The following HERC1 variants were observed in gnomAD, a reference collection of about 807,000 sequenced individuals.
The protein encoded by HERC1 is HECT and RLD domain containing E3 ubiquitin protein ligase family member 1.
Under a neutral mutation model 554.3 loss-of-function variants are expected in HERC1, and 160 were observed. The observed-to-expected ratio is 0.29, with a 90% CI of 0.25 to 0.33. The LOEUF (loss-of-function observed/expected upper bound fraction) is 0.33, where lower values mean the gene tolerates loss of function less well. Ranked by LOEUF, HERC1 falls within the 10% of genes least tolerant of loss-of-function variation. The pLI is 1.00. For missense variants in HERC1, 4,919 were observed against 5,918.5 expected (o/e 0.83, Z 5.54); for synonymous variants, 2,175 against 2,131.7 (o/e 1.02, Z -0.56).
chr15:63,703,544 G>C (rs185040476), intron 25 of HERC1, among the ~76,000 whole-genome samples: 23 of 152,048 alleles, frequency 1.5e-4, no homozygotes, highest in Admixed American at 9.8e-4. Context: ...CTGTATGAGG[G>C]AAAACATTTT....
At position 63,749,618 on chromosome 15, in the gene HERC1, AC is replaced by A. The variant is rs764016153; in HGVS notation, c.2047+28del. The A allele has an allele frequency of 2.6e-5, 41 of 1,592,426 alleles. No homozygotes were observed. Among genetic ancestry groups the A allele is most frequent in the Non-Finnish European group, 5.1e-6 (6 of 1,168,804 alleles). On this transcript the variant is annotated intron_variant, in intron 9 of 77. Transcript: ENST00000443617. This position sits in a 1 kb window ranked among gnomAD's most constrained non-coding sequence, Gnocchi z 4.1. ...ATATTTACACAAGACAACAGTTAAT[AC>A]TATTTCCTTAAAAACAAATGACTTT...
chr15:63,673,350 C>T (rs1023948081), intron 38 of HERC1, among the ~76,000 whole-genome samples: 1 of 152,080 alleles, frequency 6.6e-6, no homozygotes, highest in African/African-American at 2.4e-5. Flanking sequence ...AACATTCCTA[C>T]TTATATACAC....
chr15:63,796,036 T>A (rs1213520837), intron 1 of HERC1, among the ~76,000 whole-genome samples: 1 of 152,230 alleles, frequency 6.6e-6, no homozygotes, highest in Non-Finnish European at 1.5e-5. Flanking sequence ...GAACATAAAG[T>A]ACATTGATTT....
chr15:63,722,720 T>C (rs947811343), intron 19 of HERC1, among the ~76,000 whole-genome samples: 6 of 152,178 alleles, frequency 3.9e-5, no homozygotes, highest in African/African-American at 1.4e-4. Flanking sequence ...AGTTAGCATA[T>C]TATTGTAATT....
At chr15:63,654,456 A>G in intron 50 of HERC1, 132 bp from the exon 51 acceptor site, 1 of 636,590 alleles carries the variant, frequency 1.6e-6, no homozygotes, top group Non-Finnish European at 2.7e-6. Context: ...CATATCTTTT[A>G]AGAATTGGCA....
At chr15:63,635,142 G>C (rs561181281) in intron 65 of HERC1, among the ~76,000 whole-genome samples, 1 of 151,892 alleles carries the variant, frequency 6.6e-6, no homozygotes, top group Non-Finnish European at 1.5e-5. Context: ...CAAACTCCTG[G>C]GCTCAAGCAA....
Position 63,649,862 on chromosome 15 carries a change from C to T in HERC1, c.10610G>A (p.Gly3537Asp), listed in dbSNP as rs770990614. 2 of 1,612,940 alleles carry T rather than the reference C, an allele frequency of 1.2e-6. No individual in the cohort carries two copies. Among genetic ancestry groups the T allele is most frequent in the Non-Finnish European group, 1.7e-6 (2 of 1,179,478 alleles). ...CTCTCCTGACCAGGCTGTAGCCGGA[C>T]CCTCTTCTGGCCAAGCCAGGGCAGA... Reference protein sequence around the residue: ...WVSALAWPEEGPATAWSGESP... With the variant: ...WVSALAWPEEDPATAWSGESP... The change falls in exon 54 of 78, where the codon GGT (glycine) becomes GAT (aspartate). Residue 3537 changes from glycine to aspartate, a missense_variant. By Grantham distance (94) the Gly-to-Asp change is moderately conservative. Coordinates refer to ENST00000443617, the MANE Select transcript of HERC1 (RefSeq NM_003922.4).
intron 12 of HERC1, among the ~76,000 whole-genome samples, chr15:63,740,586 T>C (rs1375006040): frequency 6.6e-6 from 1 of 152,258 alleles, no homozygotes; most frequent in East Asian, 1.9e-4. Flanking sequence ...CAATGTTTGC[T>C]ATTAGCCAGC....
intron 1 of HERC1, among the ~76,000 whole-genome samples, chr15:63,800,440 C>T (rs1216115131): frequency 6.6e-6 from 1 of 152,182 alleles, no homozygotes; most frequent in Non-Finnish European, 1.5e-5. Flanking sequence ...TTAGAGCCTG[C>T]CTTCTCCATT....
chr15:63,727,661 T>A lies in HERC1; in HGVS notation c.3332A>T (p.Gln1111Leu). The change falls in exon 17 of 78, where the codon CAG becomes CTG. Residue 1111 changes from glutamine to leucine, a missense_variant. Physicochemically the swap from Gln to Leu is moderately radical, Grantham distance 113. Coordinates refer to ENST00000443617, the MANE Select transcript of HERC1 (RefSeq NM_003922.4). The surrounding 1 kb of genome is among the most constrained non-coding windows in gnomAD (Gnocchi z 4.3). ...AADLLEDQEL[Q>L]WPLHGGPELI... The stretch of plus-strand genomic sequence containing the variant: ...TCTTTACTTACCATGAAGAGGCCAC[T>A]GTAACTCCTGGTCTTCTAAAAGATC... 3 of 1,611,614 alleles carry A rather than the reference T, an allele frequency of 1.9e-6. No individual in the cohort carries two copies. Among genetic ancestry groups the A allele is most frequent in the Non-Finnish European group, 2.5e-6 (3 of 1,178,748 alleles).
At chr15:63,786,215 T>C (rs1230718237) in intron 1 of HERC1, among the ~76,000 whole-genome samples, 3 of 150,770 alleles carry the variant, frequency 2.0e-5, no homozygotes, top group Admixed American at 6.6e-5. Context: ...TATGCTATGA[T>C]TGTGCCTGAG....
rs2073236499 is a variant in HERC1 at position 63,710,445 on chromosome 15, CAGTT to C, written c.4584+2326_4584+2329del. Among the ~76,000 whole-genome samples the C allele has an allele frequency of 2.6e-5, 4 of 152,248 alleles. No homozygotes were observed. In the South Asian group the frequency reaches 8.3e-4, roughly 32 times the overall value. On this transcript the variant is annotated intron_variant, in intron 24 of 77. Coordinates refer to ENST00000443617, the MANE Select transcript of HERC1 (RefSeq NM_003922.4). Reference sequence around the variant, plus strand: ...GGAAATTTTGCCAAAATAGATTAGACAGTTATTTATAAATTTAAAAATAATTTCC... The same window carrying C: ...GGAAATTTTGCCAAAATAGATTAGACATTTATAAATTTAAAAATAATTTCC...
At chr15:63,794,137 T>C (rs1264952217) in intron 1 of HERC1, among the ~76,000 whole-genome samples, 1 of 152,190 alleles carries the variant, frequency 6.6e-6, no homozygotes, top group African/African-American at 2.4e-5. Flanking sequence ...AATCCACCCC[T>C]TGTTTAGCAT....
rs1412240378 is a variant in HERC1, at chr15:63,749,120, A to C, written c.2219+247T>G. Among the ~76,000 whole-genome samples the C allele has an allele frequency of 6.6e-6, 1 of 152,182 alleles. No individual in the cohort carries two copies. Among genetic ancestry groups the C allele is most frequent in the African/African-American group, 2.4e-5 (1 of 41,456 alleles). On this transcript the variant is annotated intron_variant, in intron 10 of 77. Coordinates refer to ENST00000443617, the MANE Select transcript of HERC1 (RefSeq NM_003922.4). The surrounding 1 kb of genome is among the most constrained non-coding windows in gnomAD (Gnocchi z 4.1). ...GCATGTAGAGATGAGAGAGAACTCA[A>C]AATGTTTAAAAGACAATGTCTTAAA...
Position 63,756,461 on chromosome 15 carries a change from A to C in HERC1, c.1509T>G (p.Leu503=). 1.9e-6 allele frequency: 3 copies of C among 1,613,216 alleles called. No individual in the cohort carries two copies. Among genetic ancestry groups the C allele is most frequent in the Non-Finnish European group, 2.5e-6 (3 of 1,179,526 alleles). The change falls in exon 5 of 78, where the codon CTT becomes CTG. Residue 503 remains leucine (L), a synonymous_variant. Transcript: ENST00000443617. The surrounding 1 kb of genome is among the most constrained non-coding windows in gnomAD (Gnocchi z 5.0). Reference sequence around the variant, plus strand: ...CCTTTCCTTGTAGAGGTCCCTGAATAAGCTTGGGATATTTCTGTGTTGAAC... The same window carrying C: ...CCTTTCCTTGTAGAGGTCCCTGAATCAGCTTGGGATATTTCTGTGTTGAAC... ...GNSSTQKYPK[L]IQGPLQGKVV...
At chr15:63,767,599 G>A (rs907898414) in intron 2 of HERC1, among the ~76,000 whole-genome samples, 2 of 152,024 alleles carry the variant, frequency 1.3e-5, no homozygotes, top group Admixed American at 6.6e-5. Flanking sequence ...TGGGGAGGCT[G>A]GGGCAGGAGA....
chr15:63,696,297 C>T lies in HERC1; in HGVS notation c.4948G>A (p.Gly1650Arg). 2 of 1,613,088 alleles carry T rather than the reference C, an allele frequency of 1.2e-6. No individual in the cohort carries two copies. Among genetic ancestry groups the T allele is most frequent in the Non-Finnish European group, 8.5e-7 (1 of 1,179,552 alleles). Residue 1650 changes from glycine to arginine, a missense_variant, in exon 27 of 78, where the codon GGG becomes AGG. Physicochemically the swap from Gly to Arg is moderately radical, Grantham distance 125 (BLOSUM62 -2). Coordinates refer to ENST00000443617, the MANE Select transcript of HERC1 (RefSeq NM_003922.4). The part of the protein sequence containing the change: ...ALHQILVLLS[G>R]MEEKGSISLA... ...GAGATGCTACCTTTTTCTTCCATCC[C>T]AGACAATAGAACGAGGATCTGATGA... is the stretch of plus-strand genomic sequence containing the variant.
chr15:63,826,839 A>ATG (rs2077951045), intron 1 of HERC1, among the ~76,000 whole-genome samples: 1 of 127,516 alleles, frequency 7.8e-6, no homozygotes, highest in Non-Finnish European at 1.7e-5. Context: ...ATATATATAT[A>ATG]TATAAAGTAT....
Position 63,694,927 on chromosome 15 carries a change from T to C in HERC1, c.5122-33A>G. Reference sequence around the variant, plus strand: ...ACACATAAAGAATTACTTTTTCTATTAGCAACAATAATACCTGCTTGCAAA... The same window carrying C: ...ACACATAAAGAATTACTTTTTCTATCAGCAACAATAATACCTGCTTGCAAA... On this transcript the variant is annotated intron_variant, in intron 27 of 77. Transcript: ENST00000443617. This position sits in a 1 kb window ranked among gnomAD's most constrained non-coding sequence, Gnocchi z 4.3. The C allele has an allele frequency of 6.3e-7, 1 of 1,589,070 alleles. No individual in the cohort carries two copies. Among genetic ancestry groups the C allele is most frequent in the Non-Finnish European group, 8.6e-7 (1 of 1,165,604 alleles).
Sources: gnomAD v4.1 joint callset for allele counts (sites outside exome capture counted in the v4.1 genomes callset) on GRCh38, gnomAD v4.1.1 for gene constraint, Gnocchi (gnomAD v3.1) non-coding constraint, MANE v1.5 for transcripts, NCBI Gene and HGNC (gene_info 2026-07-23, HGNC 2026-07-21) for gene names.